Variants in ENTPD7 observed in about 807,000 individuals in gnomAD.
ENTPD7 encodes the protein NTPDase 7.
ENTPD7 carries 53 observed loss-of-function variants against 77.9 expected under a neutral mutation model. That is an observed-to-expected ratio of 0.68 (90% confidence interval 0.55 to 0.85). The LOEUF (loss-of-function observed/expected upper bound fraction) is 0.85. ENTPD7 is among the 40% of genes least tolerant of loss of function. The pLI is 0.00. For missense variants in ENTPD7, 636 were observed against 743.7 expected (o/e 0.86, Z 1.68); for synonymous variants, 248 against 274.9 (o/e 0.90, Z 0.97).
intron 8 of ENTPD7, among the ~76,000 whole-genome samples, chr10:99,693,266 T>C (rs2035913214): frequency 6.6e-6 from 1 of 152,212 alleles, no homozygotes; most frequent in African/African-American, 2.4e-5. Context: ...TCAGAAGTTG[T>C]AAAACTAATG....
At chr10:99,668,433 G>C (rs2035579030) in intron 3 of ENTPD7, among the ~76,000 whole-genome samples, 1 of 152,152 alleles carries the variant, frequency 6.6e-6, no homozygotes, top group South Asian at 2.1e-4. Flanking sequence ...GTTAATATTA[G>C]AGTTAATCAG....
chr10:99,659,849 C>A lies in ENTPD7; in HGVS notation c.-95-13C>A. On this transcript the variant is annotated splice_polypyrimidine_tract_variant and intron_variant, in intron 1 of 12. Transcript: ENST00000370489. This position sits in a 1 kb window ranked among gnomAD's most constrained non-coding sequence, Gnocchi z 4.1. ...GCTCAGTCGGACAGAAGCCTGAAAT[C>A]AAATCTTTCTAGGCTGCAGACGTAG... is the stretch of plus-strand genomic sequence containing the variant. 1 of 1,519,574 alleles carries A rather than the reference C, an allele frequency of 6.6e-7. No homozygotes were observed. The highest frequency in any genetic ancestry group is 9.0e-7 in the Non-Finnish European group (1 of 1,106,502). The allele number at this position is 1,519,574 out of a possible 1,614,324, so 94.1% of individuals were successfully genotyped here. A position where few individuals can be genotyped will look rare whatever the true frequency, so the allele number is the denominator to read the frequency against.
chr10:99,699,884 C>T (rs2036076701), intron 10 of ENTPD7, among the ~76,000 whole-genome samples: 1 of 151,512 alleles, frequency 6.6e-6, no homozygotes, highest in African/African-American at 2.4e-5. Flanking sequence ...TATTTCCCTC[C>T]CTCCCTCCCT....
chr10:99,676,660 T>A (rs941916894), intron 3 of ENTPD7, among the ~76,000 whole-genome samples: 1 of 152,228 alleles, frequency 6.6e-6, no homozygotes, highest in Non-Finnish European at 1.5e-5. Flanking sequence ...GAACCCAGAC[T>A]TTTGCCCAGC....
At chr10:99,672,126 T>A (rs765197622) in intron 3 of ENTPD7, among the ~76,000 whole-genome samples, 1 of 152,012 alleles carries the variant, frequency 6.6e-6, no homozygotes, top group Non-Finnish European at 1.5e-5. Context: ...AGATTATAGG[T>A]GCATGCCACC....
intron 12 of ENTPD7, among the ~76,000 whole-genome samples, chr10:99,703,221 T>C (rs2036177574): frequency 1.6e-5 from 2 of 125,192 alleles, no homozygotes. Flanking sequence ...TTATGTACTG[T>C]CAGATATTTG....
At chr10:99,701,666 C>A (rs770446465) in intron 11 of ENTPD7, among the ~76,000 whole-genome samples, 80 of 151,938 alleles carry the variant, frequency 5.3e-4, no homozygotes, top group Admixed American at 1.8e-3. Context: ...CAACATAAAC[C>A]CTCATGTAAC....
At chr10:99,692,508 C>G (rs1465460770) in intron 8 of ENTPD7, among the ~76,000 whole-genome samples, 1 of 144,800 alleles carries the variant, frequency 6.9e-6, no homozygotes, top group African/African-American at 2.5e-5. Flanking sequence ...AAGTATTTAC[C>G]TGGGCCTTGG....
rs2036222944 is a variant in ENTPD7, at chr10:99,704,923, G to C, written c.*240G>C. On this transcript the variant is annotated 3_prime_UTR_variant, in exon 13 of 13. Coordinates refer to ENST00000370489, the MANE Select transcript of ENTPD7 (RefSeq NM_020354.5). ...GATTGGTGCTAATACGGGGGACCAA[G>C]CTTTGTCCAAGTGAAGCAGGCTTCG... The C allele has an allele frequency of 1.9e-6, 1 of 533,654 alleles. No individual in the cohort carries two copies. The highest frequency in any genetic ancestry group is 2.2e-5 in the South Asian group (1 of 44,782). The allele number at this position is 533,654 out of a possible 1,614,324, so 33.1% of individuals were successfully genotyped here.
intron 8 of ENTPD7, among the ~76,000 whole-genome samples, 157 bp downstream of exon 8, chr10:99,691,675 C>T (rs1385129657): frequency 1.3e-5 from 2 of 152,208 alleles, no homozygotes; most frequent in African/African-American, 4.8e-5. Context: ...CTCTGAGCCT[C>T]AGCTTCCTCC....
chr10:99,685,212 A>AT (rs1240739328), intron 5 of ENTPD7, among the ~76,000 whole-genome samples: 1 of 152,208 alleles, frequency 6.6e-6, no homozygotes, highest in Non-Finnish European at 1.5e-5. Context: ...AGCCGAGATC[A>AT]TGCCATTGCA....
At position 99,696,161 on chromosome 10, in the gene ENTPD7, G is replaced by A; in HGVS notation, c.1010+39G>A. 1.9e-6 allele frequency: 3 copies of A among 1,603,472 alleles called. No individual in the cohort carries two copies. The South Asian group carries it at 3.3e-5, about 18-fold the overall frequency. On this transcript the variant is annotated intron_variant, in intron 9 of 12. Transcript: ENST00000370489. ...GGGATCTGAGTTTCTGAAATATAAT[G>A]TCAGGCTGCAGATATTAGGGAGAAA...
intron 7 of ENTPD7, 59 bp downstream of exon 7, chr10:99,688,809 C>A: frequency 6.6e-7 from 1 of 1,525,230 alleles, no homozygotes; most frequent in Non-Finnish European, 9.0e-7. Context: ...TAAGTTATAA[C>A]CTATCAGTAG....
chr10:99,680,501 G>A (rs1394612651), intron 5 of ENTPD7, among the ~76,000 whole-genome samples: 4 of 152,018 alleles, frequency 2.6e-5, no homozygotes, highest in Non-Finnish European at 4.4e-5. Flanking sequence ...CGTAGGCCGG[G>A]GGAAGAATGA....
chr10:99,697,846 A>C (rs2036017541), intron 9 of ENTPD7: 1 of 152,720 alleles, frequency 6.5e-6, no homozygotes, highest in Non-Finnish European at 1.5e-5. Context: ...CCCCAACTTA[A>C]TTTCTGTCCT....
intron 7 of ENTPD7, among the ~76,000 whole-genome samples, chr10:99,690,855 T>C (rs1007004849): frequency 6.6e-6 from 1 of 152,246 alleles, no homozygotes; most frequent in East Asian, 1.9e-4. Flanking sequence ...TACTGCGATG[T>C]AGCTTAAGAT....
chr10:99,664,559 C>T (rs1707235383), intron 3 of ENTPD7, among the ~76,000 whole-genome samples: 1 of 151,492 alleles, frequency 6.6e-6, no homozygotes, highest in South Asian at 2.1e-4. Context: ...AAGTGATTCT[C>T]CTGCCTCAGC....
chr10:99,659,945 C>A lies in ENTPD7; in HGVS notation c.-12C>A. ...AGAAGGTGACAGGCGTTGAGACCAC[C>A]GAAGGGAACCCATGGCTAGGTAAGG... On this transcript the variant is annotated 5_prime_UTR_variant, in exon 2 of 13. Coordinates refer to ENST00000370489, the MANE Select transcript of ENTPD7 (RefSeq NM_020354.5). This position sits in a 1 kb window ranked among gnomAD's most constrained non-coding sequence, Gnocchi z 4.1. 6.2e-7 allele frequency: 1 copy of A among 1,613,972 alleles called. No individual in the cohort carries two copies. The highest frequency in any genetic ancestry group is 2.2e-5 in the East Asian group (1 of 44,872).
intron 5 of ENTPD7, among the ~76,000 whole-genome samples, chr10:99,681,973 C>T (rs941634371): frequency 1.3e-5 from 2 of 152,124 alleles, no homozygotes; most frequent in African/African-American, 4.8e-5. Context: ...TTTTCCCATT[C>T]TGTAGCTTGC....
Sources: allele counts gnomAD v4.1 joint callset (sites outside exome capture counted in the v4.1 genomes callset), GRCh38; gene constraint gnomAD v4.1.1; non-coding constraint Gnocchi (gnomAD v3.1); transcripts MANE v1.5; gene names NCBI Gene and HGNC (gene_info 2026-07-23, HGNC 2026-07-21).